The following TNFSF4 variants were observed in gnomAD, a reference collection of about 807,000 sequenced individuals.
TNFSF4 encodes TNF superfamily member 4, also known as tumor necrosis factor ligand superfamily member 4.
Under a neutral mutation model 7.3 loss-of-function variants are expected in TNFSF4, and 4 were observed. That is an observed-to-expected ratio of 0.55 (90% CI 0.27 to 1.25). TNFSF4 has a LOEUF of 1.25. TNFSF4 is among the 50% of genes most tolerant of loss of function. TNFSF4 has a pLI of 0.12. For synonymous variants in TNFSF4, 76 were observed against 83.7 expected (o/e 0.91, Z 0.50); for missense variants, 181 against 208.8 (o/e 0.87, Z 0.82).
At chr1:173,215,267 G>A in the TNFSF4 span, among the ~76,000 whole-genome samples, 1 of 152,216 alleles carries the variant, frequency 6.6e-6, no homozygotes, top group Non-Finnish European at 1.5e-5. Context: ...CTCCAGAACT[G>A]TGAGAAAATA....
At chr1:173,369,743 C>T in the TNFSF4 span, among the ~76,000 whole-genome samples, 12 of 152,224 alleles carry the variant, frequency 7.9e-5, no homozygotes, top group Admixed American at 5.2e-4. Context: ...GGAAAAATGG[C>T]CACCTGAAGG....
At chr1:173,422,033 CCCA>C in the TNFSF4 span, among the ~76,000 whole-genome samples, 1 of 152,046 alleles carries the variant, frequency 6.6e-6, no homozygotes, top group Admixed American at 6.6e-5. Context: ...ATGTTACAGT[CCCA>C]CAGCTATACG....
upstream of TNFSF4, among the ~76,000 whole-genome samples, chr1:173,209,035 G>C (rs1346110599): frequency 6.6e-6 from 1 of 151,960 alleles, no homozygotes; most frequent in Non-Finnish European, 1.5e-5. Flanking sequence ...TAATATCATG[G>C]CTCCGAGAAA....
intron 1 of TNFSF4, among the ~76,000 whole-genome samples, chr1:173,191,276 T>C (rs931142094): frequency 6.6e-6 from 1 of 152,196 alleles, no homozygotes; most frequent in Non-Finnish European, 1.5e-5. Context: ...TAGATCAACC[T>C]GGAGGAAGCT....
chr1:173,350,806 C>T, the TNFSF4 span, among the ~76,000 whole-genome samples: 5 of 152,190 alleles, frequency 3.3e-5, no homozygotes, highest in East Asian at 1.9e-4. Context: ...AAATAACACA[C>T]GTTACTTCTA....
At chr1:173,244,567 G>A in the TNFSF4 span, among the ~76,000 whole-genome samples, 3 of 148,696 alleles carry the variant, frequency 2.0e-5, no homozygotes, top group Non-Finnish European at 3.0e-5. Flanking sequence ...GCGTGAACCC[G>A]GGAGGTGGAG....
chr1:173,174,671 T>G, the TNFSF4 span: 1 of 152,296 alleles, frequency 6.6e-6, no homozygotes, highest in East Asian at 1.9e-4. Flanking sequence ...CAGAACAGCA[T>G]GGGAGAACCA....
At chr1:173,285,201 C>T in the TNFSF4 span, among the ~76,000 whole-genome samples, 11 of 152,134 alleles carry the variant, frequency 7.2e-5, no homozygotes, top group East Asian at 5.8e-4. Flanking sequence ...GGAAGTATTA[C>T]GGATGTGGTA....
At chr1:173,229,244 C>A in the TNFSF4 span, among the ~76,000 whole-genome samples, 2 of 152,304 alleles carry the variant, frequency 1.3e-5, no homozygotes, top group South Asian at 4.1e-4. Context: ...TCAGCAGAAA[C>A]AATACAAGCC....
the TNFSF4 span, among the ~76,000 whole-genome samples, chr1:173,380,209 TTTC>T: frequency 1.3e-5 from 2 of 152,166 alleles, no homozygotes; most frequent in Non-Finnish European, 2.9e-5. Context: ...TTCACATGCA[TTTC>T]TTCTTATGCC....
the TNFSF4 span, among the ~76,000 whole-genome samples, chr1:173,446,540 G>A: frequency 6.6e-6 from 1 of 152,198 alleles, no homozygotes; most frequent in Non-Finnish European, 1.5e-5. Context: ...TCCTGGGTGT[G>A]TCTGTGAGGG....
At chr1:173,312,324 T>G in the TNFSF4 span, among the ~76,000 whole-genome samples, 2,595 of 152,230 alleles carry the variant, frequency 0.017, 76 homozygotes, top group African/African-American at 0.06. Flanking sequence ...ATCAGTTGCT[T>G]GAGACATTAT....
chr1:173,212,868 A>G, the TNFSF4 span, among the ~76,000 whole-genome samples: 1 of 151,904 alleles, frequency 6.6e-6, no homozygotes. Context: ...ATAAAAAATA[A>G]AATAAAAATA....
At chr1:173,244,576 A>G in the TNFSF4 span, among the ~76,000 whole-genome samples, 1 of 144,968 alleles carries the variant, frequency 6.9e-6, no homozygotes, top group Non-Finnish European at 1.5e-5. Context: ...CGGGAGGTGG[A>G]GCTTGCAGTG....
chr1:173,417,633 A>T, the TNFSF4 span, among the ~76,000 whole-genome samples: 1 of 152,186 alleles, frequency 6.6e-6, no homozygotes, highest in Non-Finnish European at 1.5e-5. Context: ...ATTGCCTGAC[A>T]TTATAACAAA....
At chr1:173,409,929 C>T in the TNFSF4 span, among the ~76,000 whole-genome samples, 1 of 152,164 alleles carries the variant, frequency 6.6e-6, no homozygotes, top group Non-Finnish European at 1.5e-5. Flanking sequence ...GGTTTGTACT[C>T]TTTTCTGTAT....
chr1:173,184,866 G>A lies in TNFSF4; in HGVS notation c.*1650C>T, dbSNP rs1336900746. 3 of 122,010 alleles carry A rather than the reference G, an allele frequency of 2.5e-5. No individual in the cohort carries two copies. Among genetic ancestry groups the A allele is most frequent in the African/African-American group, 1.0e-4 (3 of 29,566 alleles). 7.6% of individuals were successfully genotyped at this position (122,010 alleles called of 1,614,324 possible). Reference sequence around the variant, plus strand: ...AATATTTAGCCATGATTATGATTCTGTGAGTGCCTTGGCAGCCACTCAGAA... The same window carrying A: ...AATATTTAGCCATGATTATGATTCTATGAGTGCCTTGGCAGCCACTCAGAA... On this transcript the variant is annotated 3_prime_UTR_variant, in exon 3 of 3. Coordinates refer to ENST00000281834, the MANE Select transcript of TNFSF4 (RefSeq NM_003326.5).
At chr1:173,244,514 C>T in the TNFSF4 span, among the ~76,000 whole-genome samples, 6 of 149,558 alleles carry the variant, frequency 4.0e-5, no homozygotes, top group Admixed American at 2.0e-4. Context: ...TAGTGGCGGG[C>T]GCCTGTAGTC....
At chr1:173,423,292 A>T in the TNFSF4 span, among the ~76,000 whole-genome samples, 1 of 152,172 alleles carries the variant, frequency 6.6e-6, no homozygotes, top group Non-Finnish European at 1.5e-5. Context: ...TATAGCCAAT[A>T]ACAAGAAGAG....
Sources: allele counts gnomAD v4.1 joint callset (sites outside exome capture counted in the v4.1 genomes callset), GRCh38; gene constraint gnomAD v4.1.1; transcripts MANE v1.5; gene names NCBI Gene and HGNC (gene_info 2026-07-23, HGNC 2026-07-21).